NFE2: variants seen among roughly 807,000 people sequenced by gnomAD.
NFE2 encodes nuclear factor, erythroid 2.
A neutral mutation model predicts 25.8 loss-of-function variants in NFE2; 13 were observed. The observed-to-expected ratio is 0.50, with a 90% CI of 0.33 to 0.80. The LOEUF is 0.80. Among genes scored for constraint, NFE2 ranks in the 30% least tolerant of loss-of-function variants. The pLI, the probability that NFE2 is intolerant of heterozygous loss-of-function variation, is 0.02. For missense variants in NFE2, 382 were observed against 478.9 expected, an observed-to-expected ratio of 0.80 and a Z score of 1.89; for synonymous variants, 204 against 200.2, an observed-to-expected ratio of 1.02 and a Z score of -0.16.
Position 54,292,497 on chromosome 12 carries a change from A to G in NFE2, c.999T>C (p.Ile333=), listed in dbSNP as rs1323910549. The change falls in exon 3 of 3, where the codon ATT becomes ATC. Residue 333 remains isoleucine (I), a synonymous_variant. Transcript: ENST00000435572. ...RQQLTELYRD[I]FQHLRDESGN... is the part of the protein sequence containing the mutation. ...CTGATTCATCCCGAAGGTGCTGGAA[A>G]ATGTCACGGTACAGCTCTGTCAGCT... 6.2e-7 allele frequency: 1 copy of G among 1,614,018 alleles called. No individual in the cohort carries two copies.
In NFE2 at chr12:54,292,969, T is replaced by C; in HGVS notation, c.527A>G (p.Tyr176Cys). 6.4e-7 allele frequency: 1 copy of C among 1,559,956 alleles called. No homozygotes were observed. Among genetic ancestry groups the C allele is most frequent in the Non-Finnish European group, 8.7e-7 (1 of 1,152,412 alleles). The change falls in exon 3 of 3, where the codon TAC becomes TGC. Residue 176 changes from tyrosine to cysteine, a missense_variant. Tyr to Cys is a radical substitution (Grantham distance 194, BLOSUM62 -2). Coordinates refer to ENST00000435572, the MANE Select transcript of NFE2 (RefSeq NM_001136023.3). ...GRRRSEYVEM[Y>C]PVEYPYSLMP... ...GAGTGAGTAGGGGTACTCCACTGGG[T>C]ACATCTCTACATATTCGCTGCGCCG...
chr12:54,300,684 G>C (rs1359833330), intron 1 of NFE2, 117 bp downstream of exon 1: 1 of 152,216 alleles, frequency 6.6e-6, no homozygotes, highest in East Asian at 1.9e-4. Flanking sequence ...AAAGTCTGAG[G>C]TCTCCTAGGA....
In NFE2 at chr12:54,295,198, G is replaced by C; in HGVS notation, c.51C>G (p.Ser17=). The part of the protein sequence containing the change: ...QQSRNRVIQL[S]TSELGEMELT... ...GTTCCATCTCTCCTAGCTCTGAAGTGGACAGCTGTATCACCCTGTTCCTGC... is the reference window on the plus strand; with the variant it reads ...GTTCCATCTCTCCTAGCTCTGAAGTCGACAGCTGTATCACCCTGTTCCTGC... Residue 17 remains serine (S), a synonymous_variant, in exon 2 of 3, where the codon TCC becomes TCG. Transcript: ENST00000435572. 1 of 1,614,134 alleles carries C rather than the reference G, an allele frequency of 6.2e-7. No homozygotes were observed. Among genetic ancestry groups the C allele is most frequent in the East Asian group, 2.2e-5 (1 of 44,878 alleles).
intron 2 of NFE2, 22 bp from the exon 3 acceptor site, chr12:54,293,403 G>A: frequency 6.9e-7 from 1 of 1,451,686 alleles, no homozygotes; most frequent in Non-Finnish European, 9.2e-7. Context: ...GACACAAAGA[G>A]ATTTGGAGAC....
chr12:54,296,364 C>T (rs935949912), intron 1 of NFE2, among the ~76,000 whole-genome samples: 5 of 146,192 alleles, frequency 3.4e-5, no homozygotes, highest in Non-Finnish European at 7.4e-5. Flanking sequence ...GAGCCGAGAT[C>T]GCGCCACTGC....
intron 2 of NFE2, among the ~76,000 whole-genome samples, chr12:54,294,468 A>C (rs1303396753): frequency 6.6e-6 from 1 of 152,036 alleles, no homozygotes; most frequent in African/African-American, 2.4e-5. Flanking sequence ...GGGTAGTAAA[A>C]GGGGGGTGGC....
At position 54,300,982 on chromosome 12, in the gene NFE2, AG is replaced by A. The variant is rs1944419705; in HGVS notation, c.-239del. ...GAGTGTGGAAGCTCAGGCTGAGCTGAGCACAGGAGCCCCAAGCAGGCGCACC... is the reference window on the plus strand; with the variant it reads ...GAGTGTGGAAGCTCAGGCTGAGCTGACACAGGAGCCCCAAGCAGGCGCACC... On this transcript the variant is annotated 5_prime_UTR_variant, in exon 1 of 3. Coordinates refer to ENST00000435572, the MANE Select transcript of NFE2 (RefSeq NM_001136023.3). 6.6e-6 allele frequency: 1 copy of A among 152,254 alleles called. No homozygotes were observed. Among genetic ancestry groups the A allele is most frequent in the African/African-American group, 2.4e-5 (1 of 41,452 alleles). The allele number at this position is 152,254 out of a possible 1,614,324, so 9.4% of individuals were successfully genotyped here.
At chr12:54,299,234 C>A (rs536996422) in intron 1 of NFE2, among the ~76,000 whole-genome samples, 1 of 152,210 alleles carries the variant, frequency 6.6e-6, no homozygotes, top group East Asian at 1.9e-4. Flanking sequence ...ATACACCAGG[C>A]ATAGGGTCCC....
At chr12:54,299,994 A>G (rs1029429123) in intron 1 of NFE2, among the ~76,000 whole-genome samples, 5 of 152,190 alleles carry the variant, frequency 3.3e-5, no homozygotes, top group East Asian at 3.8e-4. Context: ...TAGTGAGCTC[A>G]GTGCCCTAGG....
intron 2 of NFE2, among the ~76,000 whole-genome samples, chr12:54,293,647 G>A (rs568338232): frequency 1.4e-3 from 211 of 151,446 alleles, no homozygotes; most frequent in Non-Finnish European, 1.4e-3. Flanking sequence ...TCAGGAGTTC[G>A]AGACCAGCCT....
chr12:54,296,133 G>A (rs935868346), intron 1 of NFE2, among the ~76,000 whole-genome samples: 4 of 152,180 alleles, frequency 2.6e-5, no homozygotes, highest in African/African-American at 9.7e-5. Flanking sequence ...TTCATCGGGC[G>A]CGGTGGCTCA....
At chr12:54,294,912 C>T (rs978483528) in intron 2 of NFE2, among the ~76,000 whole-genome samples, 1 of 152,114 alleles carries the variant, frequency 6.6e-6, no homozygotes. Flanking sequence ...AGAGAGCCTA[C>T]ACTCCCAATC....
At chr12:54,300,532 G>A (rs775448418) in intron 1 of NFE2, among the ~76,000 whole-genome samples, 15 of 152,058 alleles carry the variant, frequency 9.9e-5, no homozygotes, top group Non-Finnish European at 1.9e-4. Context: ...GCCCCTCAGC[G>A]GTGCCTTGCC....
chr12:54,296,587 C>G (rs752352762), intron 1 of NFE2, among the ~76,000 whole-genome samples: 4 of 152,174 alleles, frequency 2.6e-5, no homozygotes, highest in Non-Finnish European at 5.9e-5. Flanking sequence ...CAAACCTCTA[C>G]TGGAAGTCTA....
chr12:54,293,317 G>A lies in NFE2; in HGVS notation c.179C>T (p.Pro60Leu), dbSNP rs778797855. The change falls in exon 3 of 3, where the codon CCA becomes CTA. Residue 60 changes from proline (P) to leucine (L), a missense_variant. Physicochemically the swap from Pro to Leu is moderately conservative, Grantham distance 98. Transcript: ENST00000435572. ...GCAGGGGCAGTAAGTTGTGGGTGGT[G>A]GAGGTCCAAGGTATGGAGCTGGGGC... ...PQAPAPYLGP[P>L]PPTTYCPCSI... 1.6e-5 allele frequency: 26 copies of A among 1,598,072 alleles called. No homozygotes were observed. The highest frequency in any genetic ancestry group is 2.0e-5 in the Non-Finnish European group (24 of 1,170,936).
In NFE2 at chr12:54,292,861, A is replaced by C. The variant is rs1233200375; in HGVS notation, c.635T>G (p.Val212Gly). Residue 212 changes from valine (V) to glycine (G), a missense_variant, in exon 3 of 3, where the codon GTG becomes GGG. Physicochemically the swap from Val to Gly is moderately radical, Grantham distance 109 (BLOSUM62 -3). Coordinates refer to ENST00000435572, the MANE Select transcript of NFE2 (RefSeq NM_001136023.3). ...CCCCCGTGCAGTGGGCTTAGCCCGC[A>C]CAGGGCCTGAGGAGGGCTCTAAGGC... ...PLALEPSSGPVRAKPTARGEA... is the reference protein window; with the variant it reads ...PLALEPSSGPGRAKPTARGEA... 1 of 1,614,000 alleles carries C rather than the reference A, an allele frequency of 6.2e-7. No individual in the cohort carries two copies. Among genetic ancestry groups the C allele is most frequent in the African/African-American group, 1.3e-5 (1 of 74,934 alleles).
At position 54,293,063 on chromosome 12, in the gene NFE2, C is replaced by T. The variant is rs1944333983; in HGVS notation, c.433G>A (p.Asp145Asn). 2.0e-6 allele frequency: 3 copies of T among 1,523,690 alleles called. No individual in the cohort carries two copies. The highest frequency in any genetic ancestry group is 1.4e-5 in the African/African-American group (1 of 71,836). The allele number at this position is 1,523,690 out of a possible 1,614,324, so 94.4% of individuals were successfully genotyped here. A position where few individuals can be genotyped will look rare whatever the true frequency, so the allele number is the denominator to read the frequency against. The change falls in exon 3 of 3, where the codon GAC becomes AAC. Residue 145 changes from aspartate (D) to asparagine (N), a missense_variant. Transcript: ENST00000435572. ...CTATAGTTGAGGGATAATCCTGAGT[C>T]GGATTCTGGGTCTTCTTGGGGCTTA... ...PPKPQEDPES[D>N]SGLSLNYSDA... is the part of the protein sequence containing the mutation.
rs1327517995 is a variant in NFE2 at position 54,293,043 on chromosome 12, G to GTTGA, written c.449_452dup (p.Tyr152GlnfsTer3). The GTTGA allele has an allele frequency of 6.6e-7, 1 of 1,526,276 alleles. No individual in the cohort carries two copies. Among genetic ancestry groups the GTTGA allele is most frequent in the Non-Finnish European group, 8.8e-7 (1 of 1,138,354 alleles). 94.5% of individuals were successfully genotyped at this position (1,526,276 alleles called of 1,614,324 possible). The stretch of plus-strand genomic sequence containing the variant: ...GCTCAAGAGATTCAGCATCGCTATA[G>GTTGA]TTGAGGGATAATCCTGAGTCGGATT... On this transcript the variant is annotated frameshift_variant, in exon 3 of 3. Transcript: ENST00000435572. LOFTEE classifies it high-confidence loss of function.
In NFE2 at chr12:54,292,837, C is replaced by T. The variant is rs772353922; in HGVS notation, c.659G>A (p.Gly220Glu). Residue 220 changes from glycine to glutamate, a missense_variant, in exon 3 of 3, where the codon GGG becomes GAG. Coordinates refer to ENST00000435572, the MANE Select transcript of NFE2 (RefSeq NM_001136023.3). The part of the protein sequence containing the change: ...GPVRAKPTAR[G>E]EAGSRDERRA... ...ACGTTCATCCCGACTCCCTGCCTCCCCCCGTGCAGTGGGCTTAGCCCGCAC... is the reference window on the plus strand; with the variant it reads ...ACGTTCATCCCGACTCCCTGCCTCCTCCCGTGCAGTGGGCTTAGCCCGCAC... 3.7e-6 allele frequency: 6 copies of T among 1,614,202 alleles called. No individual in the cohort carries two copies. The highest frequency in any genetic ancestry group is 2.2e-5 in the East Asian group (1 of 44,880).
Sources: gnomAD v4.1 joint callset for allele counts (sites outside exome capture counted in the v4.1 genomes callset) on GRCh38, gnomAD v4.1.1 for gene constraint, MANE v1.5 for transcripts, NCBI Gene and HGNC (gene_info 2026-07-23, HGNC 2026-07-21) for gene names.